SLC7A7: variants seen among roughly 807,000 people sequenced by gnomAD.
SLC7A7 encodes Y+L amino acid transporter 1.
In SLC7A7, 39 loss-of-function variants were observed where a neutral mutation model predicts 47.9. The observed-to-expected ratio is 0.81, with a 90% CI of 0.63 to 1.06. The LOEUF is 1.06. SLC7A7 is among the 50% of genes least tolerant of loss of function. The probability of loss-of-function intolerance (pLI) is 0.00; values close to 1 mark genes in which losing one functional copy is unlikely to be tolerated. For synonymous variants in SLC7A7, 234 were observed against 242.8 expected (o/e 0.96, Z 0.34); for missense variants, 588 against 632.0 (o/e 0.93, Z 0.75).
At chr14:22,795,831 G>A (rs910396660) in intron 2 of SLC7A7, among the ~76,000 whole-genome samples, 9 of 152,186 alleles carry the variant, frequency 5.9e-5, no homozygotes, top group African/African-American at 1.9e-4. Context: ...ACCCACTGCT[G>A]CCCAGCATCT....
At chr14:22,815,938 G>C (rs1253674891), upstream of SLC7A7, 2 of 335,022 alleles carry the variant, frequency 6.0e-6, no homozygotes, top group East Asian at 7.6e-5. Context: ...ATGTGACTGG[G>C]TGTTCTAAGA....
intron 9 of SLC7A7, 88 bp downstream of exon 9, chr14:22,773,845 C>A: frequency 1.3e-6 from 2 of 1,578,788 alleles, no homozygotes; most frequent in Non-Finnish European, 1.7e-6. Flanking sequence ...GGGGCTAAGG[C>A]AAAGATGTCT....
chr14:22,773,854 C>T, intron 9 of SLC7A7, 79 bp downstream of exon 9: 1 of 1,590,340 alleles, frequency 6.3e-7, no homozygotes, highest in Non-Finnish European at 8.6e-7. Flanking sequence ...GCAAAGATGT[C>T]TTTGGAGGCT....
intron 2 of SLC7A7, among the ~76,000 whole-genome samples, chr14:22,785,137 A>T (rs973545921): frequency 6.6e-6 from 1 of 151,862 alleles, no homozygotes; most frequent in Non-Finnish European, 1.5e-5. Context: ...ATATTAGCTG[A>T]GTGTGGTGGC....
chr14:22,781,937 G>C lies in SLC7A7; in HGVS notation c.500-1886C>G, dbSNP rs148716900. ...AAACTGGAATAAGCTTACAGGACTA[G>C]CTCTAGTTCAGACTCAGAGTCTGAG... On this transcript the variant is annotated intron_variant, in intron 2 of 9. Coordinates refer to ENST00000674313, the MANE Select transcript of SLC7A7 (RefSeq NM_003982.4). Among the ~76,000 whole-genome samples the C allele has an allele frequency of 5.3e-3, 808 of 152,280 alleles. 5 individuals are homozygous for C. Among genetic ancestry groups the C allele is most frequent in the Non-Finnish European group, 7.1e-3 (480 of 68,022 alleles).
chr14:22,816,360 T>C (rs1951567), upstream of SLC7A7: 76,217 of 151,806 alleles, frequency 0.5, 19,210 homozygotes, highest in South Asian at 0.61. Context: ...TAGCCGGGCG[T>C]GGTGGCGGGC....
upstream of SLC7A7, chr14:22,815,437 AG>A (rs1256215264): frequency 2.2e-6 from 1 of 454,434 alleles, no homozygotes; most frequent in African/African-American, 2.0e-5. Context: ...GTAAAAGGGA[AG>A]GCCAGACAAA....
chr14:22,812,718 T>C (rs1211067423), intron 2 of SLC7A7, among the ~76,000 whole-genome samples, 182 bp downstream of exon 2: 1 of 146,970 alleles, frequency 6.8e-6, no homozygotes, highest in African/African-American at 2.5e-5. Flanking sequence ...AAAAGGTGAG[T>C]GTTTTTGCGA....
upstream of SLC7A7, among the ~76,000 whole-genome samples, chr14:22,818,964 T>C (rs113679052): frequency 2.8e-3 from 419 of 152,220 alleles, 3 homozygotes; most frequent in African/African-American, 9.5e-3. Flanking sequence ...CTGAGATGCA[T>C]TCATCTCTGA....
chr14:22,808,388 GT>G (rs1489156195), intron 2 of SLC7A7, among the ~76,000 whole-genome samples: 1 of 152,200 alleles, frequency 6.6e-6, no homozygotes, highest in Non-Finnish European at 1.5e-5. Context: ...GGGAGGGAAT[GT>G]ATGAAAGCTC....
chr14:22,782,506 G>A (rs2038738298), intron 2 of SLC7A7, among the ~76,000 whole-genome samples: 1 of 151,044 alleles, frequency 6.6e-6, no homozygotes, highest in Non-Finnish European at 1.5e-5. Flanking sequence ...CTGTCACCCA[G>A]GCTGAAGTGC....
chr14:22,792,178 C>A (rs2038935876), intron 2 of SLC7A7, among the ~76,000 whole-genome samples: 2 of 152,118 alleles, frequency 1.3e-5, no homozygotes, highest in African/African-American at 2.4e-5. Flanking sequence ...ACCCTGGCTT[C>A]TTTGATACAT....
chr14:22,815,259 C>T, intron 1 of SLC7A7, 61 bp downstream of exon 1: 1 of 422,654 alleles, frequency 2.4e-6, no homozygotes, highest in Non-Finnish European at 4.8e-6. Flanking sequence ...CACTGCACAG[C>T]AGCAAAGAGG....
At chr14:22,819,370 T>TTG (rs1332035628), upstream of SLC7A7, among the ~76,000 whole-genome samples, 2 of 151,586 alleles carry the variant, frequency 1.3e-5, no homozygotes, top group African/African-American at 4.9e-5. Context: ...AGTTCTCTGT[T>TTG]TGTTTTTCTA....
intron 2 of SLC7A7, among the ~76,000 whole-genome samples, chr14:22,799,195 G>C (rs8005577): frequency 0.063 from 9,604 of 152,084 alleles, 333 homozygotes; most frequent in South Asian, 0.095. Context: ...TCTTTACCTA[G>C]CTTGACCTCT....
chr14:22,795,935 G>A (rs1315865688), intron 2 of SLC7A7, among the ~76,000 whole-genome samples: 1 of 152,104 alleles, frequency 6.6e-6, no homozygotes, highest in Non-Finnish European at 1.5e-5. Context: ...AAGGAAGAGA[G>A]CAAGGATGAG....
At chr14:22,793,021 G>A (rs141808725) in intron 2 of SLC7A7, among the ~76,000 whole-genome samples, 13,254 of 150,522 alleles carry the variant, frequency 0.088, 735 homozygotes, top group African/African-American at 0.15. Flanking sequence ...GGTTCATGCC[G>A]TTCTCCTGCC....
chr14:22,794,883 G>C (rs534573679), intron 2 of SLC7A7, among the ~76,000 whole-genome samples: 1 of 152,150 alleles, frequency 6.6e-6, no homozygotes, highest in Admixed American at 6.6e-5. Flanking sequence ...AGGTGACTCT[G>C]AAGCATGGTG....
At chr14:22,793,210 C>T (rs2038957850) in intron 2 of SLC7A7, among the ~76,000 whole-genome samples, 1 of 152,050 alleles carries the variant, frequency 6.6e-6, no homozygotes, top group Admixed American at 6.6e-5. Flanking sequence ...AACCACCACG[C>T]CCAGCCAATT....
Sources: gnomAD v4.1 joint callset for allele counts (sites outside exome capture counted in the v4.1 genomes callset) on GRCh38, gnomAD v4.1.1 for gene constraint, MANE v1.5 for transcripts, NCBI Gene and HGNC (gene_info 2026-07-23, HGNC 2026-07-21) for gene names.